C17orf78: variants seen among roughly 807,000 people sequenced by gnomAD.
C17orf78 encodes uncharacterized protein C17orf78.
In C17orf78, 27 loss-of-function variants were observed where a neutral mutation model predicts 31.8. The observed-to-expected ratio is 0.85, with a 90% CI of 0.63 to 1.17. The LOEUF (loss-of-function observed/expected upper bound fraction) is 1.17. C17orf78 is among the 50% of genes most tolerant of loss of function. The pLI, the probability that C17orf78 is intolerant of heterozygous loss-of-function variation, is 0.00. For missense variants in C17orf78, 258 were observed against 315.2 expected, an observed-to-expected ratio of 0.82 and a Z score of 1.37; for synonymous variants, 106 against 115.1, an observed-to-expected ratio of 0.92 and a Z score of 0.51.
At chr17:37,390,288 T>A (rs1288965804) in intron 6 of C17orf78, among the ~76,000 whole-genome samples, 1 of 44,934 alleles carries the variant, frequency 2.2e-5, no homozygotes, top group African/African-American at 1.1e-4. Flanking sequence ...TATATATAAT[T>A]ATATATTATA....
At chr17:37,383,273 G>C (rs1005859170) in intron 3 of C17orf78, among the ~76,000 whole-genome samples, 1 of 151,948 alleles carries the variant, frequency 6.6e-6, no homozygotes, top group Admixed American at 6.6e-5. Flanking sequence ...TTAGAAATTG[G>C]GACAAGGAAA....
chr17:37,379,063 C>G (rs558488633), intron 2 of C17orf78, 74 bp from the exon 3 acceptor site: 70 of 1,485,144 alleles, frequency 4.7e-5, no homozygotes, highest in Non-Finnish European at 6.3e-5. Flanking sequence ...CAGAGCAAGG[C>G]ACCGTCTCAA....
At chr17:37,391,339 A>C (rs1250774939) in intron 6 of C17orf78, among the ~76,000 whole-genome samples, 2 of 152,214 alleles carry the variant, frequency 1.3e-5, no homozygotes, top group African/African-American at 4.8e-5. Context: ...CATTTTACTC[A>C]TACTTAAGTT....
intron 5 of C17orf78, 29 bp from the exon 6 acceptor site, chr17:37,389,217 T>C: frequency 6.4e-7 from 1 of 1,557,244 alleles, no homozygotes; most frequent in East Asian, 2.4e-5. Context: ...AGCCACTTCA[T>C]ATTAATACCA....
Position 37,376,048 on chromosome 17 carries a change from A to G in C17orf78, c.-45A>G. ...AGGCAGAGCTATCAAGGGCTGTGAC[A>G]GATGAGCAGTGGTCTGTCTGCAATG... On this transcript the variant is annotated 5_prime_UTR_variant, in exon 1 of 7. Transcript: ENST00000615133. 6.5e-7 allele frequency: 1 copy of G among 1,540,430 alleles called. No homozygotes were observed. The highest frequency in any genetic ancestry group is 9.0e-7 in the Non-Finnish European group (1 of 1,113,472).
At chr17:37,384,937 T>C (rs954700769) in intron 3 of C17orf78, among the ~76,000 whole-genome samples, 1 of 152,200 alleles carries the variant, frequency 6.6e-6, no homozygotes, top group Non-Finnish European at 1.5e-5. Flanking sequence ...AGCAATGATA[T>C]GAGACCACTA....
At position 37,379,089 on chromosome 17, in the gene C17orf78, A is replaced by C. The variant is rs753365106; in HGVS notation, c.146-48A>C. 5.1e-6 allele frequency: 8 copies of C among 1,567,522 alleles called. No homozygotes were observed. In the South Asian group the frequency reaches 9.6e-5, roughly 19 times the overall value. On this transcript the variant is annotated intron_variant, in intron 2 of 6. Transcript: ENST00000615133. The stretch of plus-strand genomic sequence containing the variant: ...ACCGTCTCAAAAAAACCAACCAAAC[A>C]AAAAACAAAACCAGCTCCATTTTTC...
intron 5 of C17orf78, 112 bp downstream of exon 5, chr17:37,388,906 G>A: frequency 2.2e-6 from 3 of 1,371,950 alleles, no homozygotes; most frequent in South Asian, 2.7e-5. Context: ...TTGAGGAGAT[G>A]TGCCACTCAC....
At position 37,391,633 on chromosome 17, in the gene C17orf78, C is replaced by G; in HGVS notation, c.751-14C>G. 1 of 1,611,854 alleles carries G rather than the reference C, an allele frequency of 6.2e-7. No homozygotes were observed. The highest frequency in any genetic ancestry group is 8.5e-7 in the Non-Finnish European group (1 of 1,178,098). ...CATCCTTTTTTAACTTTCATATTTC[C>G]TTTCAATCTCTAGGTTGGACAAGAT... On this transcript the variant is annotated splice_polypyrimidine_tract_variant and intron_variant, in intron 6 of 6. Coordinates refer to ENST00000615133, the MANE Select transcript of C17orf78 (RefSeq NM_173625.5).
intron 3 of C17orf78, among the ~76,000 whole-genome samples, chr17:37,382,621 GAAGGCC>G (rs1257256044): frequency 3.9e-5 from 6 of 152,276 alleles, no homozygotes; most frequent in African/African-American, 1.4e-4. Context: ...CAGCACTTTG[GAAGGCC>G]GAGGCAGGCG....
rs1051753128 is a variant in C17orf78 at position 37,376,033 on chromosome 17, A to C, written c.-60A>C. 2.2e-5 allele frequency: 32 copies of C among 1,449,812 alleles called. No individual in the cohort carries two copies. Among genetic ancestry groups the C allele is most frequent in the African/African-American group, 4.2e-5 (3 of 71,556 alleles). 89.8% of individuals were successfully genotyped at this position (1,449,812 alleles called of 1,614,324 possible). The stretch of plus-strand genomic sequence containing the variant: ...GGTGAAAGCAACTAGAGGCAGAGCT[A>C]TCAAGGGCTGTGACAGATGAGCAGT... On this transcript the variant is annotated 5_prime_UTR_variant, in exon 1 of 7. Coordinates refer to ENST00000615133, the MANE Select transcript of C17orf78 (RefSeq NM_173625.5).
At chr17:37,390,318 A>AT (rs1485561896) in intron 6 of C17orf78, among the ~76,000 whole-genome samples, 719 of 52,176 alleles carry the variant, frequency 0.014, 98 homozygotes, top group Middle Eastern at 0.067. Flanking sequence ...ATATATATAT[A>AT]TATATATATA....
chr17:37,376,446 T>C (rs2050006028), intron 1 of C17orf78, among the ~76,000 whole-genome samples: 1 of 152,210 alleles, frequency 6.6e-6, no homozygotes, highest in South Asian at 2.1e-4. Flanking sequence ...AGAGTTTCAG[T>C]ATTGTCATCA....
At chr17:37,386,671 C>G (rs1006423160) in intron 4 of C17orf78, among the ~76,000 whole-genome samples, 1 of 152,130 alleles carries the variant, frequency 6.6e-6, no homozygotes, top group African/African-American at 2.4e-5. Context: ...TCATTTATCT[C>G]CACGCAAATG....
chr17:37,380,401 T>C (rs2050194293), intron 3 of C17orf78, among the ~76,000 whole-genome samples: 1 of 151,552 alleles, frequency 6.6e-6, no homozygotes, highest in South Asian at 2.1e-4. Flanking sequence ...AATGTGCACA[T>C]GTACCCTAAA....
intron 3 of C17orf78, among the ~76,000 whole-genome samples, chr17:37,383,176 A>C (rs1056431128): frequency 6.6e-6 from 1 of 152,182 alleles, no homozygotes; most frequent in Non-Finnish European, 1.5e-5. Flanking sequence ...AAGTGGACTT[A>C]AGTCATTTTG....
intron 3 of C17orf78, among the ~76,000 whole-genome samples, chr17:37,381,788 C>T (rs1176992408): frequency 1.3e-5 from 2 of 151,752 alleles, no homozygotes; most frequent in Non-Finnish European, 2.9e-5. Context: ...CCACCACACC[C>T]AGTTAATTTT....
chr17:37,384,191 C>T (rs567228357), intron 3 of C17orf78, among the ~76,000 whole-genome samples: 7 of 152,260 alleles, frequency 4.6e-5, no homozygotes, highest in Admixed American at 2.0e-4. Flanking sequence ...GGTCAGAAGA[C>T]AGTTCATGAA....
At chr17:37,390,173 T>TACACAC (rs1345364710) in intron 6 of C17orf78, among the ~76,000 whole-genome samples, 7 of 44,988 alleles carry the variant, frequency 1.6e-4, no homozygotes, top group Admixed American at 4.3e-4. Flanking sequence ...TATATATATA[T>TACACAC]ATACACACAC....
Sources: allele counts gnomAD v4.1 joint callset (sites outside exome capture counted in the v4.1 genomes callset), GRCh38; gene constraint gnomAD v4.1.1; transcripts MANE v1.5; gene names NCBI Gene and HGNC (gene_info 2026-07-23, HGNC 2026-07-21).